Variants in LPP observed in about 807,000 individuals in gnomAD.
LPP encodes the protein LIM domain containing preferred translocation partner in lipoma.
Under a neutral mutation model 60.4 loss-of-function variants are expected in LPP, and 38 were observed. The ratio of observed to expected loss-of-function variants is 0.63; its 90% CI spans 0.49 to 0.83. The LOEUF (loss-of-function observed/expected upper bound fraction) is 0.83, where lower values mean the gene tolerates loss of function less well. LPP is among the 40% of genes least tolerant of loss of function. LPP has a pLI of 0.00. For missense variants in LPP, 902 were observed against 783.6 expected, an observed-to-expected ratio of 1.15 and a Z score of -1.80; for synonymous variants, 328 against 290.8, an observed-to-expected ratio of 1.13 and a Z score of -1.30.
intron 7 of LPP, among the ~76,000 whole-genome samples, chr3:188,623,201 G>A (rs1453986816): frequency 6.6e-6 from 1 of 151,102 alleles, no homozygotes; most frequent in Admixed American, 6.6e-5. Flanking sequence ...ATTATTTCCT[G>A]TATGTGTTGC....
At chr3:188,570,771 G>A (rs900468118) in intron 6 of LPP, among the ~76,000 whole-genome samples, 1 of 151,798 alleles carries the variant, frequency 6.6e-6, no homozygotes, top group Admixed American at 6.6e-5. Flanking sequence ...GAAAGCAATA[G>A]ATCTAGTAGA....
chr3:188,633,884 A>G (rs1848261302), intron 7 of LPP, among the ~76,000 whole-genome samples: 3 of 152,160 alleles, frequency 2.0e-5, no homozygotes, highest in Admixed American at 2.0e-4. Context: ...AAATAATTTG[A>G]AGGCTTTTAA....
intron 4 of LPP, among the ~76,000 whole-genome samples, chr3:188,436,891 G>T (rs1026626426): frequency 5.3e-5 from 8 of 152,102 alleles, no homozygotes; most frequent in African/African-American, 9.7e-5. Flanking sequence ...GGCACGGCCA[G>T]CTTTAATGGA....
chr3:188,550,760 G>A (rs1827916146), intron 6 of LPP, among the ~76,000 whole-genome samples: 1 of 151,936 alleles, frequency 6.6e-6, no homozygotes, highest in Admixed American at 6.6e-5. Context: ...GAGGTGATAC[G>A]ACACATAGAT....
At chr3:188,606,035 T>C (rs1308565288) in intron 6 of LPP, among the ~76,000 whole-genome samples, 2 of 152,114 alleles carry the variant, frequency 1.3e-5, no homozygotes, top group African/African-American at 4.8e-5. Flanking sequence ...AGTACTCTGT[T>C]GAGAGACACT....
chr3:188,213,961 A>AACACACAC (rs59389556), intron 1 of LPP, among the ~76,000 whole-genome samples: 29,318 of 130,134 alleles, frequency 0.23, 3,768 homozygotes, highest in Non-Finnish European at 0.28. Flanking sequence ...TTAGATTTTA[A>AACACACAC]ACACACACAC....
chr3:188,766,493 C>A (rs558894818), intron 9 of LPP, among the ~76,000 whole-genome samples: 1 of 151,830 alleles, frequency 6.6e-6, no homozygotes, highest in Admixed American at 6.6e-5. Flanking sequence ...AATTAATGAT[C>A]CTAGAAAATA....
chr3:188,373,463 A>G (rs1340767320), intron 3 of LPP, among the ~76,000 whole-genome samples: 2 of 152,178 alleles, frequency 1.3e-5, no homozygotes, highest in African/African-American at 4.8e-5. Context: ...GCCAGTGATG[A>G]TGAGCCTTTT....
intron 9 of LPP, among the ~76,000 whole-genome samples, chr3:188,767,835 T>A (rs1464648826): frequency 6.6e-6 from 1 of 152,146 alleles, no homozygotes; most frequent in Non-Finnish European, 1.5e-5. Flanking sequence ...ACAGTGCATA[T>A]GTATTAACTT....
chr3:188,745,246 T>G (rs1047471969), intron 8 of LPP, among the ~76,000 whole-genome samples: 27 of 152,300 alleles, frequency 1.8e-4, no homozygotes, highest in Non-Finnish European at 3.1e-4. Context: ...CTCATCTTTA[T>G]ATTCCTGGTT....
chr3:188,324,536 CCTG>C lies in LPP; in HGVS notation c.-66-17124_-66-17122del, dbSNP rs1320993354. Among the ~76,000 whole-genome samples, 9 of 152,206 alleles carry C rather than the reference CCTG, an allele frequency of 5.9e-5. No individual in the cohort carries two copies. In the East Asian group the frequency reaches 1.7e-3, roughly 29 times the overall value. ...CCATATAACTCATTTAACTACTTCT[CCTG>C]CTCAGAGTACATGCTTGGCCAGTGC... On this transcript the variant is annotated intron_variant, in intron 2 of 11. Coordinates refer to ENST00000617246, the MANE Select transcript of LPP (RefSeq NM_001375462.1).
intron 3 of LPP, among the ~76,000 whole-genome samples, chr3:188,398,759 G>C (rs1367422358): frequency 6.6e-6 from 1 of 152,216 alleles, no homozygotes; most frequent in Non-Finnish European, 1.5e-5. Context: ...AATTACGCTG[G>C]TAGGGACTTA....
intron 6 of LPP, among the ~76,000 whole-genome samples, chr3:188,597,241 T>C (rs1480026799): frequency 6.6e-6 from 1 of 152,212 alleles, no homozygotes; most frequent in Non-Finnish European, 1.5e-5. Context: ...TGAGGAATAC[T>C]GTATGTTTCA....
In LPP at chr3:188,402,445, AAG is replaced by A. The variant is rs1366719360; in HGVS notation, c.-9-3664_-9-3663del. Among the ~76,000 whole-genome samples, 8 of 152,302 alleles carry A rather than the reference AAG, an allele frequency of 5.3e-5. No individual in the cohort carries two copies. The East Asian group carries it at 1.5e-3, about 29-fold the overall frequency. On this transcript the variant is annotated intron_variant, in intron 3 of 11. Coordinates refer to ENST00000617246, the MANE Select transcript of LPP (RefSeq NM_001375462.1). ...ACATCATCAAATTAAGGGAGGGAAA[AAG>A]AGTTGAATGTATCAGTGGTTGCTAA...
At chr3:188,272,192 C>T (rs1449860843) in intron 2 of LPP, among the ~76,000 whole-genome samples, 13 of 152,168 alleles carry the variant, frequency 8.5e-5, no homozygotes, top group African/African-American at 2.2e-4. Context: ...TTCATTTCTC[C>T]GTCTGGCAAG....
At chr3:188,648,554 G>T (rs1851516480) in intron 7 of LPP, among the ~76,000 whole-genome samples, 1 of 152,160 alleles carries the variant, frequency 6.6e-6, no homozygotes, top group Non-Finnish European at 1.5e-5. Flanking sequence ...CTGGCCCACT[G>T]CAGTAAGATC....
intron 8 of LPP, 60 bp from the exon 9 acceptor site, chr3:188,760,053 T>G: frequency 6.7e-7 from 1 of 1,501,724 alleles, no homozygotes; most frequent in Non-Finnish European, 9.2e-7. Flanking sequence ...TCCTCCACTT[T>G]GGCTTTAGCA....
At chr3:188,699,816 C>T (rs1180644702) in intron 7 of LPP, among the ~76,000 whole-genome samples, 2 of 151,990 alleles carry the variant, frequency 1.3e-5, no homozygotes, top group Admixed American at 6.6e-5. Context: ...CTGCCCCTGG[C>T]CAGAAGGGGT....
chr3:188,722,144 G>A (rs953026020), intron 8 of LPP, among the ~76,000 whole-genome samples: 1 of 152,118 alleles, frequency 6.6e-6, no homozygotes, highest in Non-Finnish European at 1.5e-5. Flanking sequence ...GTTTATGAGA[G>A]GGTCACTGCC....
Sources: gnomAD v4.1 joint callset for allele counts (sites outside exome capture counted in the v4.1 genomes callset) on GRCh38, gnomAD v4.1.1 for gene constraint, MANE v1.5 for transcripts, NCBI Gene and HGNC (gene_info 2026-07-23, HGNC 2026-07-21) for gene names.